The following PRKCE variants were observed in gnomAD, a reference collection of about 807,000 sequenced individuals.
PRKCE encodes protein kinase C epsilon.
Under a neutral mutation model 85.4 loss-of-function variants are expected in PRKCE, and 16 were observed. That is an observed-to-expected ratio of 0.19 (90% CI 0.13 to 0.28). The LOEUF (loss-of-function observed/expected upper bound fraction) is 0.28. PRKCE is among the 10% of genes least tolerant of loss of function. The pLI, the probability that PRKCE is intolerant of heterozygous loss-of-function variation, is 1.00. For synonymous variants in PRKCE, 388 were observed against 371.5 expected (o/e 1.04, Z -0.51); for missense variants, 573 against 975.2 (o/e 0.59, Z 5.49).
intron 1 of PRKCE, among the ~76,000 whole-genome samples, chr2:45,797,955 T>G (rs989691329): frequency 6.6e-6 from 1 of 152,096 alleles, no homozygotes; most frequent in African/African-American, 2.4e-5. Flanking sequence ...GCTTACTGAG[T>G]TCCTTCGCCA....
chr2:46,106,922 T>C (rs563662281), intron 11 of PRKCE, among the ~76,000 whole-genome samples: 1 of 152,352 alleles, frequency 6.6e-6, no homozygotes, highest in South Asian at 2.1e-4. Context: ...TTCGATGAAG[T>C]TGTTTCATAC....
intron 1 of PRKCE, among the ~76,000 whole-genome samples, chr2:45,744,863 C>T (rs1683011930): frequency 1.3e-5 from 2 of 152,212 alleles, no homozygotes; most frequent in African/African-American, 4.8e-5. Context: ...CCTGCCTTGG[C>T]CTCCCAAAGT....
intron 2 of PRKCE, among the ~76,000 whole-genome samples, chr2:45,969,894 T>C (rs1701995070): frequency 6.6e-6 from 1 of 152,234 alleles, no homozygotes. Context: ...CTGTGGTCTT[T>C]CTTCACCCTC....
intron 10 of PRKCE, among the ~76,000 whole-genome samples, chr2:46,049,748 C>A (rs931364319): frequency 6.6e-6 from 1 of 152,198 alleles, no homozygotes; most frequent in African/African-American, 2.4e-5. Context: ...CTCAGTTTCC[C>A]ATCATGCGTT....
intron 1 of PRKCE, among the ~76,000 whole-genome samples, chr2:45,749,590 C>T (rs1037657339): frequency 6.6e-6 from 1 of 152,178 alleles, no homozygotes; most frequent in African/African-American, 2.4e-5. Context: ...ATGTGGATTG[C>T]ATGATTTTAA....
intron 1 of PRKCE, among the ~76,000 whole-genome samples, chr2:45,842,502 A>G (rs1691436678): frequency 6.6e-6 from 1 of 152,200 alleles, no homozygotes; most frequent in Non-Finnish European, 1.5e-5. Flanking sequence ...TTCTCAAGAC[A>G]GGCTTGGCAT....
chr2:45,726,493 T>C (rs967475849), intron 1 of PRKCE, among the ~76,000 whole-genome samples: 5 of 152,200 alleles, frequency 3.3e-5, no homozygotes, highest in African/African-American at 1.2e-4. Context: ...GCTCAGATGG[T>C]CATTAGCATT....
intron 13 of PRKCE, among the ~76,000 whole-genome samples, chr2:46,157,206 T>A (rs1677300497): frequency 6.6e-6 from 1 of 152,072 alleles, no homozygotes; most frequent in Non-Finnish European, 1.5e-5. Context: ...TCTTCCCAAG[T>A]CAGATGAGTA....
rs1486702934 is a variant in PRKCE, at chr2:45,744,491, CTTTCTTTCT to C, written c.348+92055_348+92063del. Among the ~76,000 whole-genome samples the C allele has an allele frequency of 4.9e-3, 234 of 47,542 alleles. 1 individual carries two copies. The highest frequency in any genetic ancestry group is 8.8e-3 in the South Asian group (10 of 1,136). The allele number at this position is 47,542 out of a possible 152,430, so 31.2% of individuals were successfully genotyped here. On this transcript the variant is annotated intron_variant, in intron 1 of 14. Transcript: ENST00000306156. ...TTTCTTTCTTTCTTTCTTTCTTTTT[CTTTCTTTCT>C]TTTCTTTCTTTCTTTCTTTCTTTCT...
At chr2:45,789,813 ATC>A (rs1205959143) in intron 1 of PRKCE, among the ~76,000 whole-genome samples, 1 of 152,238 alleles carries the variant, frequency 6.6e-6, no homozygotes, top group Non-Finnish European at 1.5e-5. Flanking sequence ...TATATTTTAA[ATC>A]TACATTTTCT....
At chr2:45,710,148 C>T (rs542048662) in intron 1 of PRKCE, among the ~76,000 whole-genome samples, 10 of 152,276 alleles carry the variant, frequency 6.6e-5, no homozygotes, top group South Asian at 2.1e-4. Flanking sequence ...TGCTGGGCAC[C>T]GTTCTTGGAC....
At position 45,947,014 on chromosome 2, in the gene PRKCE, C is replaced by T. The variant is rs181219233; in HGVS notation, c.413-29415C>T. Among the ~76,000 whole-genome samples, 6 of 152,360 alleles carry T rather than the reference C, an allele frequency of 3.9e-5. No individual in the cohort carries two copies. The East Asian group carries it at 9.6e-4, about 24-fold the overall frequency. ...TTTCAGCACCCTCTAAAGGAATTCA[C>T]ATCAGAATAGGCTAGACAGAAAACT... On this transcript the variant is annotated intron_variant, in intron 2 of 14. Coordinates refer to ENST00000306156, the MANE Select transcript of PRKCE (RefSeq NM_005400.3).
intron 1 of PRKCE, among the ~76,000 whole-genome samples, chr2:45,779,179 G>A (rs1478501775): frequency 6.6e-6 from 1 of 152,122 alleles, no homozygotes; most frequent in Non-Finnish European, 1.5e-5. Flanking sequence ...GGTAGTATGG[G>A]GATTGTGGCC....
chr2:45,783,016 TAATC>T (rs1033177811), intron 1 of PRKCE, among the ~76,000 whole-genome samples: 8 of 152,326 alleles, frequency 5.3e-5, no homozygotes, highest in African/African-American at 7.2e-5. Flanking sequence ...AGTTTCAAGA[TAATC>T]AATTTATTTT....
rs557556854 is a variant in PRKCE, at chr2:46,184,929, A to G, written c.*48A>G. Reference sequence around the variant, plus strand: ...GCCGATGCTGCAAGAAGGGGTGCAGAGAAGACTCCTGTGTTGGAGACACTC... The same window carrying G: ...GCCGATGCTGCAAGAAGGGGTGCAGGGAAGACTCCTGTGTTGGAGACACTC... On this transcript the variant is annotated 3_prime_UTR_variant, in exon 15 of 15. Transcript: ENST00000306156. This position sits in a 1 kb window ranked among gnomAD's most constrained non-coding sequence, Gnocchi z 5.0. 1 of 1,595,952 alleles carries G rather than the reference A, an allele frequency of 6.3e-7. No individual in the cohort carries two copies. The highest frequency in any genetic ancestry group is 1.3e-5 in the African/African-American group (1 of 74,952).
intron 1 of PRKCE, among the ~76,000 whole-genome samples, chr2:45,718,569 C>G (rs796447946): frequency 7.9e-5 from 12 of 152,162 alleles, no homozygotes; most frequent in African/African-American, 2.9e-4. Flanking sequence ...GTCTTGATCT[C>G]CTTACCTAGT....
chr2:46,011,081 A>T, intron 10 of PRKCE: 1 of 484,336 alleles, frequency 2.1e-6, no homozygotes, highest in South Asian at 4.8e-5. Flanking sequence ...TCCATGGTAG[A>T]GTCTGACTCG....
At chr2:45,898,409 G>A (rs1381437724) in intron 2 of PRKCE, among the ~76,000 whole-genome samples, 1 of 152,214 alleles carries the variant, frequency 6.6e-6, no homozygotes, top group Non-Finnish European at 1.5e-5. Flanking sequence ...GAGAGCAGCA[G>A]CAAAGGGTAG....
intron 1 of PRKCE, among the ~76,000 whole-genome samples, chr2:45,703,352 T>C (rs1308260206): frequency 6.6e-6 from 1 of 151,984 alleles, no homozygotes; most frequent in African/African-American, 2.4e-5. Context: ...CTGGTCAACA[T>C]AGTAAGACCC....
Sources: allele counts gnomAD v4.1 joint callset (sites outside exome capture counted in the v4.1 genomes callset), GRCh38; gene constraint gnomAD v4.1.1; non-coding constraint Gnocchi (gnomAD v3.1); transcripts MANE v1.5; gene names NCBI Gene and HGNC (gene_info 2026-07-23, HGNC 2026-07-21).